The following NKAIN3 variants were observed in gnomAD, a reference collection of about 807,000 sequenced individuals.
NKAIN3 encodes sodium/potassium transporting ATPase interacting 3.
Under a neutral mutation model 30.2 loss-of-function variants are expected in NKAIN3, and 25 were observed. The ratio of observed to expected loss-of-function variants is 0.83; its 90% CI spans 0.60 to 1.16. The LOEUF is 1.16. Ranked by LOEUF, NKAIN3 falls within the 50% of genes most tolerant of loss-of-function variation. The pLI is 0.00. For synonymous variants in NKAIN3, 91 were observed against 89.6 expected (o/e 1.02, Z -0.09); for missense variants, 225 against 254.1 (o/e 0.89, Z 0.78).
chr8:62,750,184 C>T (rs1816231496), intron 4 of NKAIN3, among the ~76,000 whole-genome samples: 1 of 151,986 alleles, frequency 6.6e-6, no homozygotes, highest in South Asian at 2.1e-4. Context: ...GGGAATTACC[C>T]CTTTCATTAC....
chr8:62,549,782 T>C (rs1245972917), intron 1 of NKAIN3, among the ~76,000 whole-genome samples: 2 of 151,822 alleles, frequency 1.3e-5, no homozygotes, highest in East Asian at 3.9e-4. Flanking sequence ...AATTGATTTT[T>C]ATTCCAAACT....
chr8:62,684,220 C>T (rs1266777271), intron 3 of NKAIN3, among the ~76,000 whole-genome samples: 5 of 152,068 alleles, frequency 3.3e-5, no homozygotes, highest in African/African-American at 4.8e-5. Flanking sequence ...GCCATCTCTC[C>T]CCAGTGTTTT....
At chr8:62,571,758 G>A (rs569441820) in intron 1 of NKAIN3, among the ~76,000 whole-genome samples, 1 of 152,256 alleles carries the variant, frequency 6.6e-6, no homozygotes, top group East Asian at 1.9e-4. Flanking sequence ...AGCTGTCAAG[G>A]CTTGGGGCTT....
At chr8:62,893,839 A>G (rs1821359391) in intron 4 of NKAIN3, among the ~76,000 whole-genome samples, 1 of 152,212 alleles carries the variant, frequency 6.6e-6, no homozygotes, top group Non-Finnish European at 1.5e-5. Context: ...TTTCCTGGCT[A>G]GAGGAGACAG....
At chr8:62,988,700 G>A (rs568035825), downstream of NKAIN3, among the ~76,000 whole-genome samples, 22 of 152,376 alleles carry the variant, frequency 1.4e-4, no homozygotes, top group Middle Eastern at 3.4e-3. Context: ...CTGGGCCTGT[G>A]ATGGGAGGGG....
At position 62,870,254 on chromosome 8, in the gene NKAIN3, A is replaced by AGATATC. The variant is rs1563603945; in HGVS notation, c.472-48199_472-48198insGATATC. On this transcript the variant is annotated intron_variant, in intron 4 of 6. Transcript: ENST00000623646. ...TATATAGATATCTATAGATATCTAT[A>AGATATC]TATATATCTATATATAGATATATAT... Among the ~76,000 whole-genome samples the AGATATC allele has an allele frequency of 9.9e-4, 108 of 109,450 alleles. 8 individuals carry two copies. The highest frequency in any genetic ancestry group is 4.4e-3 in the African/African-American group (104 of 23,538). 71.8% of individuals were successfully genotyped at this position (109,450 alleles called of 152,430 possible). A position where few individuals can be genotyped will look rare whatever the true frequency, so the allele number is the denominator to read the frequency against.
chr8:62,699,805 A>C (rs1486763171), intron 3 of NKAIN3, among the ~76,000 whole-genome samples: 1 of 152,230 alleles, frequency 6.6e-6, no homozygotes, highest in African/African-American at 2.4e-5. Context: ...ATGCAGAATG[A>C]AAAAATAAGT....
At chr8:62,290,816 C>A (rs533410952) in intron 1 of NKAIN3, among the ~76,000 whole-genome samples, 2 of 152,256 alleles carry the variant, frequency 1.3e-5, no homozygotes, top group East Asian at 1.9e-4. Flanking sequence ...AAGAATGGTA[C>A]CAGCTCCTCT....
At chr8:62,850,040 A>T (rs1489942968) in intron 4 of NKAIN3, among the ~76,000 whole-genome samples, 1 of 152,154 alleles carries the variant, frequency 6.6e-6, no homozygotes, top group Non-Finnish European at 1.5e-5. Flanking sequence ...ACTGACTTCC[A>T]AAATGGTTGA....
chr8:62,542,441 T>C (rs2129897049), intron 1 of NKAIN3, among the ~76,000 whole-genome samples: 1 of 152,276 alleles, frequency 6.6e-6, no homozygotes, highest in Non-Finnish European at 1.5e-5. Flanking sequence ...TATGAAATAT[T>C]AAACAAATGC....
chr8:62,459,492 A>G (rs550848995), intron 1 of NKAIN3, among the ~76,000 whole-genome samples: 21 of 152,282 alleles, frequency 1.4e-4, no homozygotes, highest in African/African-American at 5.1e-4. Context: ...AGCACTGTGG[A>G]TGCAGCAATG....
At chr8:62,760,115 G>A (rs12466550) in intron 4 of NKAIN3, among the ~76,000 whole-genome samples, 5 of 152,124 alleles carry the variant, frequency 3.3e-5, no homozygotes, top group Admixed American at 1.3e-4. Flanking sequence ...TCATTAAAAA[G>A]TCAGGAAACA....
chr8:62,808,763 G>A (rs1399453606), intron 4 of NKAIN3, among the ~76,000 whole-genome samples: 4 of 152,144 alleles, frequency 2.6e-5, no homozygotes, highest in Non-Finnish European at 5.9e-5. Flanking sequence ...GAGATCACAA[G>A]ACCAGGGTGA....
intron 1 of NKAIN3, among the ~76,000 whole-genome samples, chr8:62,450,300 G>T (rs1805603175): frequency 6.6e-6 from 1 of 152,056 alleles, no homozygotes; most frequent in Admixed American, 6.6e-5. Context: ...GTTAAGGGAT[G>T]GGTAAGATAG....
intron 1 of NKAIN3, among the ~76,000 whole-genome samples, chr8:62,253,267 G>T (rs1812166275): frequency 6.6e-6 from 1 of 152,208 alleles, no homozygotes; most frequent in Non-Finnish European, 1.5e-5. Flanking sequence ...ACTCATAGAT[G>T]TATATTTTTT....
chr8:62,563,472 A>G (rs1323434196), intron 1 of NKAIN3, among the ~76,000 whole-genome samples: 1 of 152,110 alleles, frequency 6.6e-6, no homozygotes, highest in Non-Finnish European at 1.5e-5. Context: ...TTTATTTTAT[A>G]TCTATATCAG....
intron 1 of NKAIN3, among the ~76,000 whole-genome samples, chr8:62,342,454 A>C (rs1815781277): frequency 6.6e-6 from 1 of 152,052 alleles, no homozygotes. Flanking sequence ...AGACCAATGC[A>C]ATAGAAACCT....
intron 4 of NKAIN3, among the ~76,000 whole-genome samples, chr8:62,764,234 C>A (rs1433013407): frequency 6.6e-6 from 1 of 152,124 alleles, no homozygotes; most frequent in Non-Finnish European, 1.5e-5. Flanking sequence ...ATTCCATGTG[C>A]CTGGTATCTT....
At chr8:62,863,548 G>A (rs533888688) in intron 4 of NKAIN3, 30 of 1,265,966 alleles carry the variant, frequency 2.4e-5, no homozygotes, top group Non-Finnish European at 3.5e-5. Flanking sequence ...GGAGATGGTG[G>A]CCAAGTACTC....
Sources: gnomAD v4.1 joint callset for allele counts (sites outside exome capture counted in the v4.1 genomes callset) on GRCh38, gnomAD v4.1.1 for gene constraint, MANE v1.5 for transcripts, NCBI Gene and HGNC (gene_info 2026-07-23, HGNC 2026-07-21) for gene names.